Variants in ZNF804A observed in about 807,000 individuals in gnomAD.
ZNF804A encodes the protein zinc finger protein 804A.
ZNF804A carries 2 observed loss-of-function variants against 16.5 expected under a neutral mutation model. That is an observed-to-expected ratio of 0.12 (90% CI 0.05 to 0.38). The LOEUF (loss-of-function observed/expected upper bound fraction) is 0.38, where lower values mean the gene tolerates loss of function less well. Ranked by LOEUF, ZNF804A falls within the 10% of genes least tolerant of loss-of-function variation. The probability of loss-of-function intolerance (pLI) is 0.99; values close to 1 mark genes in which losing one functional copy is unlikely to be tolerated. For missense variants in ZNF804A, 1,473 were observed against 1,390.7 expected (o/e 1.06, Z -0.94); for synonymous variants, 534 against 489.6 (o/e 1.09, Z -1.20).
chr2:184,905,856 C>A (rs1252278159), intron 2 of ZNF804A, among the ~76,000 whole-genome samples: 1 of 152,160 alleles, frequency 6.6e-6, no homozygotes, highest in East Asian at 1.9e-4. Flanking sequence ...ATTGAATCAT[C>A]TGATAATTAC....
chr2:184,640,835 A>G (rs913102048), intron 1 of ZNF804A, among the ~76,000 whole-genome samples: 1 of 152,240 alleles, frequency 6.6e-6, no homozygotes, highest in African/African-American at 2.4e-5. Context: ...TTGATAATGA[A>G]CATCCATGAA....
At chr2:184,780,275 TA>T (rs1694353822) in intron 1 of ZNF804A, among the ~76,000 whole-genome samples, 1 of 151,682 alleles carries the variant, frequency 6.6e-6, no homozygotes, top group East Asian at 1.9e-4. Flanking sequence ...ACAAAACAAC[TA>T]TGTAGAGTTA....
At chr2:184,676,299 T>A (rs16826136) in intron 1 of ZNF804A, among the ~76,000 whole-genome samples, 1 of 151,384 alleles carries the variant, frequency 6.6e-6, no homozygotes, top group Non-Finnish European at 1.5e-5. Context: ...GCTTCACTTT[T>A]TTTTTTCCAA....
intron 1 of ZNF804A, among the ~76,000 whole-genome samples, chr2:184,662,450 A>T (rs1284967319): frequency 5.9e-5 from 9 of 152,228 alleles, no homozygotes; most frequent in Admixed American, 5.9e-4. Context: ...ATAAGTGTCC[A>T]TTGAGATAAC....
intron 1 of ZNF804A, among the ~76,000 whole-genome samples, chr2:184,713,907 A>G (rs1693173436): frequency 6.6e-6 from 1 of 152,040 alleles, no homozygotes; most frequent in Non-Finnish European, 1.5e-5. Context: ...CATATACAAA[A>G]TAATATGCAT....
chr2:184,812,490 C>T (rs945255365), intron 1 of ZNF804A, among the ~76,000 whole-genome samples: 2 of 152,116 alleles, frequency 1.3e-5, no homozygotes, highest in African/African-American at 4.8e-5. Context: ...TGACAGCTCT[C>T]TGTGTCAGAT....
chr2:184,747,984 T>A (rs192004793), intron 1 of ZNF804A, among the ~76,000 whole-genome samples: 32 of 151,520 alleles, frequency 2.1e-4, no homozygotes, highest in African/African-American at 7.5e-4. Flanking sequence ...GGACATAATT[T>A]TTTTTATGGC....
chr2:184,707,410 A>G (rs1026859479), intron 1 of ZNF804A, among the ~76,000 whole-genome samples: 7 of 152,174 alleles, frequency 4.6e-5, no homozygotes, highest in Non-Finnish European at 7.4e-5. Context: ...GAGTGAGCAT[A>G]GTACCCAGTA....
chr2:184,730,736 A>G (rs963023765), intron 1 of ZNF804A, among the ~76,000 whole-genome samples: 1 of 151,848 alleles, frequency 6.6e-6, no homozygotes, highest in Non-Finnish European at 1.5e-5. Context: ...ATAATATTCC[A>G]TTGTCTGGAT....
In ZNF804A at chr2:184,781,008, G is replaced by A. The variant is rs1694364165; in HGVS notation, c.112-85361G>A. On this transcript the variant is annotated intron_variant, in intron 1 of 3. Transcript: ENST00000302277. ...GAGGTAAATTCCATGAAGTCTGACT[G>A]GGGAGATGTTTTCCGAGTCCTTGTG... Among the ~76,000 whole-genome samples, 3 of 151,806 alleles carry A rather than the reference G, an allele frequency of 2.0e-5. No individual in the cohort carries two copies. The South Asian group carries it at 6.2e-4, about 31-fold the overall frequency.
At chr2:184,611,703 G>A (rs947522628) in intron 1 of ZNF804A, among the ~76,000 whole-genome samples, 4 of 151,498 alleles carry the variant, frequency 2.6e-5, no homozygotes, top group Non-Finnish European at 4.4e-5. Context: ...CAAAAAAACA[G>A]GCATAGTAAT....
At chr2:184,860,350 A>G (rs138948025) in intron 1 of ZNF804A, among the ~76,000 whole-genome samples, 1 of 152,332 alleles carries the variant, frequency 6.6e-6, no homozygotes, top group African/African-American at 2.4e-5. Context: ...TACCTGTTTG[A>G]TGTTTGAGGC....
chr2:184,760,439 GAA>G (rs1378612954), intron 1 of ZNF804A, among the ~76,000 whole-genome samples: 1 of 152,004 alleles, frequency 6.6e-6, no homozygotes, highest in Non-Finnish European at 1.5e-5. Flanking sequence ...ATTTCACTTT[GAA>G]AATAATCTGA....
intron 1 of ZNF804A, among the ~76,000 whole-genome samples, chr2:184,705,243 A>T (rs568202828): frequency 6.6e-6 from 1 of 152,300 alleles, no homozygotes; most frequent in East Asian, 1.9e-4. Context: ...GAAAAATTTT[A>T]AAATAGCCCA....
intron 1 of ZNF804A, among the ~76,000 whole-genome samples, chr2:184,630,929 T>G (rs1483337656): frequency 2.0e-5 from 3 of 152,164 alleles, no homozygotes; most frequent in Non-Finnish European, 1.5e-5. Context: ...GAGAAGTATT[T>G]TATGGTATTC....
intron 1 of ZNF804A, among the ~76,000 whole-genome samples, chr2:184,668,349 A>G (rs1368117443): frequency 6.6e-6 from 1 of 151,968 alleles, no homozygotes; most frequent in Non-Finnish European, 1.5e-5. Context: ...CCTGACACTG[A>G]AAGATATACT....
intron 1 of ZNF804A, among the ~76,000 whole-genome samples, chr2:184,824,715 T>A (rs1037066630): frequency 1.3e-5 from 2 of 152,138 alleles, no homozygotes; most frequent in African/African-American, 4.8e-5. Context: ...TGTGAATGGT[T>A]TGTCTCTTGC....
At chr2:184,712,348 A>G (rs1693143768) in intron 1 of ZNF804A, among the ~76,000 whole-genome samples, 1 of 151,736 alleles carries the variant, frequency 6.6e-6, no homozygotes, top group Non-Finnish European at 1.5e-5. Context: ...TTTTGAATAG[A>G]TAATCCCATT....
intron 2 of ZNF804A, among the ~76,000 whole-genome samples, chr2:184,899,776 C>T (rs1685147743): frequency 6.6e-6 from 1 of 151,552 alleles, no homozygotes; most frequent in South Asian, 2.1e-4. Flanking sequence ...ATAAATAAAT[C>T]AAATAATATA....
Sources: allele counts gnomAD v4.1 joint callset (sites outside exome capture counted in the v4.1 genomes callset), GRCh38; gene constraint gnomAD v4.1.1; transcripts MANE v1.5; gene names NCBI Gene and HGNC (gene_info 2026-07-23, HGNC 2026-07-21).